Variants in SEMA4D observed in about 807,000 individuals in gnomAD.
SEMA4D encodes the protein semaphorin-4D.
A neutral mutation model predicts 74.8 loss-of-function variants in SEMA4D; 22 were observed. That is an observed-to-expected ratio of 0.29 (90% CI 0.21 to 0.42). The LOEUF (loss-of-function observed/expected upper bound fraction) is 0.42. Ranked by LOEUF, SEMA4D falls within the 10% of genes least tolerant of loss-of-function variation. The pLI is 1.00. For missense variants in SEMA4D, 937 were observed against 1,118.4 expected, an observed-to-expected ratio of 0.84 and a Z score of 2.31; for synonymous variants, 445 against 463.7, an observed-to-expected ratio of 0.96 and a Z score of 0.52.
intron 1 of SEMA4D, among the ~76,000 whole-genome samples, chr9:89,477,474 C>T (rs1021546377): frequency 2.0e-5 from 3 of 152,156 alleles, no homozygotes; most frequent in African/African-American, 7.2e-5. Context: ...CTGGAGAGAC[C>T]TCCACTGAAG....
intron 2 of SEMA4D, among the ~76,000 whole-genome samples, chr9:89,437,551 G>A (rs4073714): frequency 0.2 from 29,766 of 152,116 alleles, 3,154 homozygotes; most frequent in Middle Eastern, 0.3. Context: ...GCTGCGGTGC[G>A]CCCTGAGAGG....
intron 2 of SEMA4D, among the ~76,000 whole-genome samples, chr9:89,428,808 C>T (rs1177456807): frequency 2.0e-5 from 3 of 152,242 alleles, no homozygotes; most frequent in Non-Finnish European, 4.4e-5. Flanking sequence ...TATGGGCTGG[C>T]CATAGGGAAA....
chr9:89,385,151 C>T lies in SEMA4D; in HGVS notation c.1446+1216G>A, dbSNP rs79336288. ...TGGCGGGTGGGCACTGACCCGTAACCCCCTCTGTGCGGCCCTCCTCTTCCT... is the reference window on the plus strand; with the variant it reads ...TGGCGGGTGGGCACTGACCCGTAACTCCCTCTGTGCGGCCCTCCTCTTCCT... On this transcript the variant is annotated intron_variant, in intron 13 of 15. Transcript: ENST00000422704. 21 of 885,016 alleles carry T rather than the reference C, an allele frequency of 2.4e-5. No individual in the cohort carries two copies. The African/African-American group carries it at 3.6e-4, about 15-fold the overall frequency. 54.8% of individuals were successfully genotyped at this position (885,016 alleles called of 1,614,324 possible). A position where few individuals can be genotyped will look rare whatever the true frequency, so the allele number is the denominator to read the frequency against.
chr9:89,364,032 C>T (rs765960446), intron 16 of SEMA4D: 47 of 1,611,012 alleles, frequency 2.9e-5, no homozygotes, highest in Middle Eastern at 1.6e-4. Context: ...GGGGGGTTAC[C>T]TCTGCTGTCC....
At chr9:89,403,266 G>A (rs145676880) in intron 3 of SEMA4D, among the ~76,000 whole-genome samples, 267 of 152,308 alleles carry the variant, frequency 1.8e-3, no homozygotes, top group Admixed American at 3.1e-3. Flanking sequence ...GCTCAAGCCC[G>A]GAGCCAGTGT....
At position 89,381,899 on chromosome 9, in the gene SEMA4D, A is replaced by G. The variant is rs922495612; in HGVS notation, c.1447-553T>C. On this transcript the variant is annotated intron_variant, in intron 13 of 15. Transcript: ENST00000422704. The surrounding 1 kb of genome is among the most constrained non-coding windows in gnomAD (Gnocchi z 4.6). ...ATAACAGGGATGCCAAACGGACGAC[A>G]TGCAAAGGATGAGGAGATCGTGATA... The G allele has an allele frequency of 1.3e-5, 2 of 152,716 alleles. No homozygotes were observed. The highest frequency in any genetic ancestry group is 4.8e-5 in the African/African-American group (2 of 41,484). 9.5% of individuals were successfully genotyped at this position (152,716 alleles called of 1,614,324 possible). A position where few individuals can be genotyped will look rare whatever the true frequency, so the allele number is the denominator to read the frequency against.
intron 2 of SEMA4D, among the ~76,000 whole-genome samples, chr9:89,424,502 T>C (rs1847691559): frequency 6.6e-6 from 1 of 152,210 alleles, no homozygotes; most frequent in Non-Finnish European, 1.5e-5. Context: ...TGAAATGATT[T>C]AAATCCAAGA....
chr9:89,366,064 G>A lies in SEMA4D; in HGVS notation c.1883-2114C>T, dbSNP rs143845543. Among the ~76,000 whole-genome samples the A allele has an allele frequency of 3.6e-4, 55 of 152,292 alleles. 1 individual carries two copies. In the East Asian group the frequency reaches 0.01, roughly 28 times the overall value. On this transcript the variant is annotated intron_variant, in intron 16 of 18. Transcript: ENST00000339861. ...GCAAGGATGGGCCCAGTGAAGCCCT[G>A]TTTCTATCAGTGAGGAGTTGGGAAA...
chr9:89,426,398 T>C (rs1005239342), intron 2 of SEMA4D, among the ~76,000 whole-genome samples: 2 of 152,078 alleles, frequency 1.3e-5, no homozygotes, highest in African/African-American at 2.4e-5. Context: ...GTAACCAGAA[T>C]AGAGTCAACA....
chr9:89,448,013 G>A lies in SEMA4D; in HGVS notation c.-244+7875C>T, dbSNP rs578202583. ...TATTTTTATGTATTTATTTGCATAG[G>A]GTCTTGCTCTGTCACCCACGCTGGG... is the stretch of plus-strand genomic sequence containing the variant. On this transcript the variant is annotated intron_variant, in intron 2 of 15. Transcript: ENST00000422704. 3.1e-3 allele frequency among the ~76,000 whole-genome samples: 466 copies of A among 152,148 alleles called. 1 individual carries two copies. Among genetic ancestry groups the A allele is most frequent in the Non-Finnish European group, 3.7e-3 (251 of 67,986 alleles).
At chr9:89,422,558 C>G (rs1459370772) in intron 2 of SEMA4D, among the ~76,000 whole-genome samples, 1 of 152,270 alleles carries the variant, frequency 6.6e-6, no homozygotes, top group Non-Finnish European at 1.5e-5. Context: ...GTGTCCCTGC[C>G]CCGAGCACCA....
chr9:89,480,934 C>T (rs956756486), intron 1 of SEMA4D, among the ~76,000 whole-genome samples: 4 of 152,186 alleles, frequency 2.6e-5, no homozygotes. Flanking sequence ...GGGGAGGTGC[C>T]GAGAGCAAGC....
At chr9:89,491,785 G>A (rs146979810) in intron 1 of SEMA4D, among the ~76,000 whole-genome samples, 25 of 152,250 alleles carry the variant, frequency 1.6e-4, no homozygotes, top group Non-Finnish European at 2.4e-4. Flanking sequence ...GCCCGGCCTG[G>A]AGACAATGCC....
chr9:89,447,695 C>T (rs951156868), intron 2 of SEMA4D, among the ~76,000 whole-genome samples: 4 of 152,114 alleles, frequency 2.6e-5, no homozygotes, highest in African/African-American at 9.7e-5. Context: ...CCCCAGAAGC[C>T]AGGGGTCTTC....
At chr9:89,459,979 C>A (rs1856838910) in intron 1 of SEMA4D, among the ~76,000 whole-genome samples, 1 of 152,198 alleles carries the variant, frequency 6.6e-6, no homozygotes, top group Non-Finnish European at 1.5e-5. Context: ...GTTCCAGAAA[C>A]AACTGCTACA....
chr9:89,399,463 C>T (rs112812328), intron 4 of SEMA4D, 125 bp from the exon 5 acceptor site: 2 of 735,156 alleles, frequency 2.7e-6, no homozygotes, highest in African/African-American at 1.8e-5. Flanking sequence ...GATCAATTCT[C>T]AGACTGCAAG....
chr9:89,380,940 C>G, intron 15 of SEMA4D, 115 bp downstream of exon 15: 4 of 1,272,602 alleles, frequency 3.1e-6, no homozygotes, highest in Non-Finnish European at 4.5e-6. Context: ...GACCTCTGTT[C>G]CGAGTGGAGA....
rs192229733 is a variant in SEMA4D, at chr9:89,386,843, G to A, written c.1331-361C>T. 3.3e-3 allele frequency: 915 copies of A among 275,716 alleles called. 4 individuals are homozygous for A. The highest frequency in any genetic ancestry group is 0.018 in the African/African-American group (822 of 44,784). 17.1% of individuals were successfully genotyped at this position (275,716 alleles called of 1,614,324 possible). A position where few individuals can be genotyped will look rare whatever the true frequency, so the allele number is the denominator to read the frequency against. On this transcript the variant is annotated intron_variant, in intron 12 of 15. Transcript: ENST00000422704. ...TCACTGGTAAGTGCCCTAGGCAGGC[G>A]GTGAGGACAGGGGGCATGTGAGGTT...
At chr9:89,389,461 C>T (rs959027143) in intron 9 of SEMA4D, among the ~76,000 whole-genome samples, 5 of 152,276 alleles carry the variant, frequency 3.3e-5, no homozygotes, top group Non-Finnish European at 5.9e-5. Flanking sequence ...GGGCAAGTGG[C>T]GGCAGCCTCC....
Sources: allele counts gnomAD v4.1 joint callset (sites outside exome capture counted in the v4.1 genomes callset), GRCh38; gene constraint gnomAD v4.1.1; non-coding constraint Gnocchi (gnomAD v3.1); transcripts MANE v1.5; gene names NCBI Gene and HGNC (gene_info 2026-07-23, HGNC 2026-07-21).